The following GPC6 variants were observed in gnomAD, a reference collection of about 807,000 sequenced individuals.
The protein encoded by GPC6 is glypican 6.
A neutral mutation model predicts 55.2 loss-of-function variants in GPC6; 14 were observed. That is an observed-to-expected ratio of 0.25 (90% CI 0.17 to 0.40). The LOEUF is 0.40. Among genes scored for constraint, GPC6 ranks in the 10% least tolerant of loss-of-function variants. The pLI, the probability that GPC6 is intolerant of heterozygous loss-of-function variation, is 1.00. For missense variants in GPC6, 641 were observed against 708.5 expected, an observed-to-expected ratio of 0.90 and a Z score of 1.08; for synonymous variants, 278 against 259.6, an observed-to-expected ratio of 1.07 and a Z score of -0.68.
intron 3 of GPC6, among the ~76,000 whole-genome samples, chr13:93,890,568 TG>T (rs1299242605): frequency 2.0e-5 from 3 of 152,054 alleles, no homozygotes; most frequent in Admixed American, 6.6e-5. Flanking sequence ...AAATTTGGAA[TG>T]GGGGTTAGGA....
At chr13:93,907,072 GA>G (rs1876712155) in intron 3 of GPC6, among the ~76,000 whole-genome samples, 1 of 152,062 alleles carries the variant, frequency 6.6e-6, no homozygotes, top group South Asian at 2.1e-4. Context: ...TTAGTAAAAA[GA>G]AATAATTCAT....
At chr13:93,629,521 A>G (rs531951445) in intron 2 of GPC6, among the ~76,000 whole-genome samples, 1 of 152,210 alleles carries the variant, frequency 6.6e-6, no homozygotes, top group Non-Finnish European at 1.5e-5. Flanking sequence ...CAATTAGGTC[A>G]TACAGTTGAT....
chr13:93,387,285 C>A (rs1415983923), intron 1 of GPC6, among the ~76,000 whole-genome samples: 1 of 152,070 alleles, frequency 6.6e-6, no homozygotes, highest in African/African-American at 2.4e-5. Flanking sequence ...TTTTAAGGCC[C>A]GCATGCACCA....
chr13:93,912,509 C>T (rs1186658901), intron 3 of GPC6, among the ~76,000 whole-genome samples: 3 of 152,058 alleles, frequency 2.0e-5, no homozygotes, highest in East Asian at 1.9e-4. Flanking sequence ...TTTGGGAGGC[C>T]AAGGCGGGCG....
chr13:93,417,622 T>G (rs1267240226), intron 1 of GPC6, among the ~76,000 whole-genome samples: 1 of 152,106 alleles, frequency 6.6e-6, no homozygotes, highest in Non-Finnish European at 1.5e-5. Context: ...TTTGAAATGT[T>G]TTGAAGAGTA....
intron 1 of GPC6, among the ~76,000 whole-genome samples, chr13:93,378,085 A>G (rs1874997868): frequency 6.6e-6 from 1 of 152,210 alleles, no homozygotes; most frequent in Non-Finnish European, 1.5e-5. Flanking sequence ...AGGTATTTTA[A>G]AAGCCTGTAG....
At chr13:93,238,723 G>T (rs1594046158) in intron 1 of GPC6, among the ~76,000 whole-genome samples, 2 of 152,024 alleles carry the variant, frequency 1.3e-5, no homozygotes, top group East Asian at 3.9e-4. Flanking sequence ...TTCACTGTGG[G>T]TGTGTCATAT....
intron 2 of GPC6, 89 bp downstream of exon 2, chr13:93,545,510 G>A: frequency 4.4e-6 from 5 of 1,145,252 alleles, no homozygotes; most frequent in Non-Finnish European, 6.6e-6. Context: ...TTTTTAAAAA[G>A]GGAGCTTTTC....
intron 8 of GPC6, 115 bp from the exon 9 acceptor site, chr13:94,402,900 T>G (rs1397603246): frequency 5.9e-6 from 5 of 842,184 alleles, no homozygotes; most frequent in Admixed American, 5.1e-5. Context: ...CCACATGGCC[T>G]CTCCCCTGAC....
chr13:93,494,706 C>T (rs1394764206), intron 1 of GPC6, among the ~76,000 whole-genome samples: 5 of 151,938 alleles, frequency 3.3e-5, no homozygotes, highest in South Asian at 2.1e-4. Flanking sequence ...GGAGCTCTTT[C>T]AGGGCAGGCC....
chr13:93,303,389 T>C (rs948099713), intron 1 of GPC6, among the ~76,000 whole-genome samples: 4 of 152,174 alleles, frequency 2.6e-5, no homozygotes, highest in Non-Finnish European at 4.4e-5. Flanking sequence ...ACATGAAATC[T>C]TTAGGACAGT....
intron 1 of GPC6, among the ~76,000 whole-genome samples, chr13:93,300,061 C>T (rs879108357): frequency 6.6e-6 from 1 of 152,164 alleles, no homozygotes; most frequent in Non-Finnish European, 1.5e-5. Context: ...AGTGAGCCTG[C>T]AGGGCAGAGA....
At chr13:93,791,487 CA>C (rs1886033385) in intron 2 of GPC6, among the ~76,000 whole-genome samples, 1 of 152,056 alleles carries the variant, frequency 6.6e-6, no homozygotes, top group African/African-American at 2.4e-5. Flanking sequence ...CAAAGAAATT[CA>C]AAAGGAAACA....
chr13:93,675,556 A>C (rs1298226685), intron 2 of GPC6, among the ~76,000 whole-genome samples: 4 of 152,096 alleles, frequency 2.6e-5, no homozygotes, highest in African/African-American at 9.7e-5. Context: ...TTTTGTTTCC[A>C]ATCTGTGCTA....
intron 1 of GPC6, among the ~76,000 whole-genome samples, chr13:93,398,335 T>C (rs1875940566): frequency 6.6e-6 from 1 of 152,216 alleles, no homozygotes; most frequent in African/African-American, 2.4e-5. Flanking sequence ...TGGAGTGCTC[T>C]CTGGGGAGGC....
At chr13:94,080,312 A>T (rs1161941654) in intron 4 of GPC6, among the ~76,000 whole-genome samples, 4 of 152,206 alleles carry the variant, frequency 2.6e-5, no homozygotes, top group Admixed American at 6.5e-5. Flanking sequence ...GAAATTTAAA[A>T]GCTGAGAATT....
chr13:93,896,644 T>C (rs1384272660), intron 3 of GPC6, among the ~76,000 whole-genome samples: 1 of 152,110 alleles, frequency 6.6e-6, no homozygotes. Flanking sequence ...TTAAGTTGAA[T>C]TTTAAATAAG....
chr13:94,267,728 G>C (rs1891861551), intron 4 of GPC6, among the ~76,000 whole-genome samples: 2 of 152,172 alleles, frequency 1.3e-5, no homozygotes, highest in African/African-American at 4.8e-5. Context: ...CTGCTTTGCT[G>C]TGATGAGTGA....
intron 3 of GPC6, among the ~76,000 whole-genome samples, chr13:93,923,557 C>T (rs1339250861): frequency 6.6e-6 from 1 of 152,146 alleles, no homozygotes; most frequent in African/African-American, 2.4e-5. Context: ...CCACTTTCCC[C>T]AGTCTTAGCA....
Sources: allele counts gnomAD v4.1 joint callset (sites outside exome capture counted in the v4.1 genomes callset), GRCh38; gene constraint gnomAD v4.1.1; transcripts MANE v1.5; gene names NCBI Gene and HGNC (gene_info 2026-07-23, HGNC 2026-07-21).